ACOT11: variants seen among roughly 807,000 people sequenced by gnomAD.
ACOT11 encodes the protein acyl-coenzyme A thioesterase 11.
ACOT11 carries 69 observed loss-of-function variants against 77.5 expected under a neutral mutation model. That is an observed-to-expected ratio of 0.89 (90% CI 0.73 to 1.09). The LOEUF (loss-of-function observed/expected upper bound fraction) is 1.09, where lower values mean the gene tolerates loss of function less well. Ranked by LOEUF, ACOT11 falls within the 50% of genes least tolerant of loss-of-function variation. ACOT11 has a pLI of 0.00. For missense variants in ACOT11, 766 were observed against 813.7 expected (o/e 0.94, Z 0.71); for synonymous variants, 279 against 313.0 (o/e 0.89, Z 1.15).
intron 1 of ACOT11, among the ~76,000 whole-genome samples, chr1:54,572,216 C>T (rs979599203): frequency 6.6e-5 from 10 of 152,064 alleles, no homozygotes; most frequent in Admixed American, 6.5e-4. Flanking sequence ...CTCTCTGACT[C>T]TGGTTTCTTC....
chr1:54,584,606 T>C lies in ACOT11; in HGVS notation c.34-49T>C. On this transcript the variant is annotated intron_variant, in intron 1 of 15. Transcript: ENST00000343744. The surrounding 1 kb of genome is among the most constrained non-coding windows in gnomAD (Gnocchi z 6.3). ...AGGGCTGGACAGACCTGGGAGACCC[T>C]GCAGCAAGCAGACCTCTCTGTCCCC... is the stretch of plus-strand genomic sequence containing the variant. The C allele has an allele frequency of 6.4e-7, 1 of 1,565,920 alleles. No homozygotes were observed. Among genetic ancestry groups the C allele is most frequent in the Non-Finnish European group, 8.7e-7 (1 of 1,147,566 alleles).
At chr1:54,623,434 C>A (rs377126654) in intron 15 of ACOT11, 1 of 1,505,252 alleles carries the variant, frequency 6.6e-7, no homozygotes, top group Non-Finnish European at 9.2e-7. Flanking sequence ...CTCCGTGCGG[C>A]CCAGAGTCCC....
intron 15 of ACOT11, 75 bp downstream of exon 15, chr1:54,608,143 G>C: frequency 1.3e-6 from 2 of 1,499,768 alleles, no homozygotes; most frequent in South Asian, 2.5e-5. Flanking sequence ...GCTCAGCACT[G>C]CTGGGCTAGG....
At chr1:54,589,396 T>A (rs1654626316) in intron 3 of ACOT11, among the ~76,000 whole-genome samples, 2 of 151,262 alleles carry the variant, frequency 1.3e-5, no homozygotes, top group Admixed American at 6.6e-5. Flanking sequence ...TTAACAATAA[T>A]TTTTCACTAA....
intron 5 of ACOT11, 28 bp downstream of exon 5, chr1:54,594,067 C>A (rs564247882): frequency 4.4e-6 from 7 of 1,602,158 alleles, no homozygotes; most frequent in Non-Finnish European, 6.0e-6. Flanking sequence ...GCTGCTGGAA[C>A]GCTGCTCAGT....
At position 54,601,402 on chromosome 1, in the gene ACOT11, C is replaced by T. The variant is rs145893275; in HGVS notation, c.1018C>T (p.Pro340Ser). ...DQPQLLPWIRPQPGDGERRYR... is the reference protein window; with the variant it reads ...DQPQLLPWIRSQPGDGERRYR... Reference sequence around the variant, plus strand: ...GCCCCAGTTGCTGCCCTGGATTCGGCCCCAGCCCGGCGTAAGTGGGACCAG... The same window carrying T: ...GCCCCAGTTGCTGCCCTGGATTCGGTCCCAGCCCGGCGTAAGTGGGACCAG... Residue 340 changes from proline (P) to serine (S), a missense_variant, in exon 9 of 16, where the codon CCC becomes TCC. Coordinates refer to ENST00000343744, the MANE Select transcript of ACOT11 (RefSeq NM_147161.4). 7 of 1,612,290 alleles carry T rather than the reference C, an allele frequency of 4.3e-6. No homozygotes were observed. Among genetic ancestry groups the T allele is most frequent in the Non-Finnish European group, 5.1e-6 (6 of 1,179,874 alleles).
chr1:54,558,979 T>C (rs1379386559), intron 1 of ACOT11, among the ~76,000 whole-genome samples: 1 of 152,148 alleles, frequency 6.6e-6, no homozygotes, highest in African/African-American at 2.4e-5. Flanking sequence ...GGCCAGCACC[T>C]TGAAGGTCTC....
intron 1 of ACOT11, among the ~76,000 whole-genome samples, chr1:54,561,310 G>T (rs1196779880): frequency 1.1e-5 from 1 of 91,452 alleles, no homozygotes; most frequent in Non-Finnish European, 2.1e-5. Flanking sequence ...GACTCTTAAC[G>T]AGCATGCTGC....
At chr1:54,608,163 G>A in intron 15 of ACOT11, 95 bp downstream of exon 15, 1 of 1,342,670 alleles carries the variant, frequency 7.4e-7, no homozygotes, top group Non-Finnish European at 9.9e-7. Flanking sequence ...GATAGTCTCA[G>A]AGCTGGCCCC....
rs533276091 is a variant in ACOT11 at position 54,560,361 on chromosome 1, T to G, written c.33+12019T>G. 5.3e-5 allele frequency among the ~76,000 whole-genome samples: 8 copies of G among 152,184 alleles called. No homozygotes were observed. In the South Asian group the frequency reaches 1.2e-3, roughly 24 times the overall value. On this transcript the variant is annotated intron_variant, in intron 1 of 15. Transcript: ENST00000343744. ...GGCAGAGGCACCTGTATGTAAGAGA[T>G]GTGAAGGAGCCAGGTCCACAGAGAA...
rs771940818 is a variant in ACOT11, at chr1:54,607,228, G to A, written c.1465G>A (p.Val489Met). 1.3e-5 allele frequency: 21 copies of A among 1,614,184 alleles called. No individual in the cohort carries two copies. The highest frequency in any genetic ancestry group is 2.2e-5 in the East Asian group (1 of 44,874). Residue 489 changes from valine to methionine, a missense_variant, in exon 14 of 16, where the codon GTG (valine) becomes ATG (methionine). Val to Met is a conservative substitution (Grantham distance 21). Coordinates refer to ENST00000343744, the MANE Select transcript of ACOT11 (RefSeq NM_147161.4). This position sits in a 1 kb window ranked among gnomAD's most constrained non-coding sequence, Gnocchi z 4.5. ...LGGHTKPQDF[V>M]ILASRRKPCD... ...AGGTCACACAAAGCCCCAGGACTTC[G>A]TGATCCTGGCCTCGAGGCGGAAGCC...
chr1:54,635,415 G>A (rs951550632), exon 17 of ACOT11: 15 of 290,348 alleles, frequency 5.2e-5, no homozygotes, highest in Non-Finnish European at 3.9e-5. Context: ...AATATGGCCC[G>A]CTCTAGGAGC....
intron 15 of ACOT11, chr1:54,623,188 A>AC: frequency 2.1e-5 from 17 of 796,396 alleles, no homozygotes; most frequent in Non-Finnish European, 2.5e-5. Context: ...AAAAAAAAAA[A>AC]GGGACTGGTC....
chr1:54,622,991 A>G (rs2101027998), intron 15 of ACOT11, among the ~76,000 whole-genome samples: 1 of 152,116 alleles, frequency 6.6e-6, no homozygotes. Flanking sequence ...CCTGGCCAAC[A>G]TGGTGAAACC....
At chr1:54,579,015 A>G (rs994431555) in intron 1 of ACOT11, among the ~76,000 whole-genome samples, 3 of 152,230 alleles carry the variant, frequency 2.0e-5, no homozygotes, top group African/African-American at 4.8e-5. Context: ...AAGAATGTCA[A>G]GTGTGAACAC....
chr1:54,611,616 C>G, downstream of ACOT11: 1 of 1,613,994 alleles, frequency 6.2e-7, no homozygotes, highest in Non-Finnish European at 8.5e-7. Flanking sequence ...AGGCCAGCTG[C>G]TTGAACTGTG....
chr1:54,614,227 G>A (rs138047387), downstream of ACOT11, among the ~76,000 whole-genome samples: 34 of 152,288 alleles, frequency 2.2e-4, no homozygotes, highest in East Asian at 2.3e-3. Flanking sequence ...TGTGAGCAGC[G>A]GTGCTGGAAT....
At chr1:54,563,276 T>C (rs1219244449) in intron 1 of ACOT11, among the ~76,000 whole-genome samples, 1 of 152,258 alleles carries the variant, frequency 6.6e-6, no homozygotes, top group Non-Finnish European at 1.5e-5. Context: ...TGTCAGCCAC[T>C]GCACCCAGCT....
intron 6 of ACOT11, among the ~76,000 whole-genome samples, chr1:54,595,877 T>C (rs1388570215): frequency 1.3e-5 from 2 of 152,136 alleles, no homozygotes; most frequent in African/African-American, 4.8e-5. Flanking sequence ...GAAGAAAATC[T>C]CCCCGGAGTG....
Sources: gnomAD v4.1 joint callset for allele counts (sites outside exome capture counted in the v4.1 genomes callset) on GRCh38, gnomAD v4.1.1 for gene constraint, Gnocchi (gnomAD v3.1) non-coding constraint, MANE v1.5 for transcripts, NCBI Gene and HGNC (gene_info 2026-07-23, HGNC 2026-07-21) for gene names.